The following DDX31 variants were observed in gnomAD, a reference collection of about 807,000 sequenced individuals.
DDX31 encodes the protein DEAD-box helicase 31, also known as ATP-dependent DNA helicase DDX31.
In DDX31, 70 loss-of-function variants were observed where a neutral mutation model predicts 91.3. That is an observed-to-expected ratio of 0.77 (90% CI 0.63 to 0.94). The LOEUF is 0.94. Among genes scored for constraint, DDX31 ranks in the 40% least tolerant of loss-of-function variants. DDX31 has a pLI of 0.00. For missense variants in DDX31, 902 were observed against 925.0 expected (o/e 0.98, Z 0.32); for synonymous variants, 362 against 350.6 (o/e 1.03, Z -0.36).
At chr9:132,668,212 CTCTTT>C (rs1468267706) in intron 1 of DDX31, among the ~76,000 whole-genome samples, 1 of 152,116 alleles carries the variant, frequency 6.6e-6, no homozygotes, top group East Asian at 1.9e-4. Flanking sequence ...TCCTGTAGTC[CTCTTT>C]TCTAAGAGAC....
intron 19 of DDX31, among the ~76,000 whole-genome samples, chr9:132,607,355 T>C (rs1465386018): frequency 1.3e-5 from 2 of 152,244 alleles, no homozygotes; most frequent in Admixed American, 1.3e-4. Flanking sequence ...TGAGAAAATT[T>C]ATACAAATAA....
chr9:132,612,140 G>A lies in DDX31; in HGVS notation c.1941C>T (p.Ala647=), dbSNP rs1330718447. ...TAGTCAAGGCACTAAGATTCCTGGG[G>A]GCATCTCTTAGTCCGAAGCTCTTCG... is the stretch of plus-strand genomic sequence containing the variant. ...HVAKSFGLRD[A]PRNLSALTRK... The change falls in exon 19 of 20, where the codon GCC becomes GCT. Residue 647 remains alanine (A), a synonymous_variant. Transcript: ENST00000372159. 5.0e-6 allele frequency: 8 copies of A among 1,614,190 alleles called. No individual in the cohort carries two copies. Among genetic ancestry groups the A allele is most frequent in the Admixed American group, 1.7e-5 (1 of 60,026 alleles).
intron 9 of DDX31, among the ~76,000 whole-genome samples, chr9:132,649,090 C>T (rs758653821): frequency 6.6e-6 from 1 of 152,136 alleles, no homozygotes; most frequent in Non-Finnish European, 1.5e-5. Flanking sequence ...GTAATAAAAG[C>T]TTCCAATTTT....
chr9:132,650,840 C>A (rs572332015), intron 8 of DDX31, among the ~76,000 whole-genome samples: 1 of 152,184 alleles, frequency 6.6e-6, no homozygotes, highest in Non-Finnish European at 1.5e-5. Flanking sequence ...TTGCTAGTGA[C>A]TATGATGAAC....
chr9:132,634,351 T>C (rs1259755385), intron 14 of DDX31, among the ~76,000 whole-genome samples: 7 of 152,166 alleles, frequency 4.6e-5, no homozygotes, highest in African/African-American at 1.4e-4. Context: ...CTGTGTTCTA[T>C]CTACGCATGC....
intron 14 of DDX31, among the ~76,000 whole-genome samples, chr9:132,639,859 C>G (rs982028736): frequency 6.6e-6 from 1 of 152,208 alleles, no homozygotes; most frequent in African/African-American, 2.4e-5. Flanking sequence ...AAGGTTCCTA[C>G]TGCTTTCTAT....
chr9:132,628,498 C>T (rs1441761514), intron 16 of DDX31, among the ~76,000 whole-genome samples: 2 of 152,212 alleles, frequency 1.3e-5, no homozygotes. Flanking sequence ...CCTAATACTT[C>T]GTGCCTTTGC....
chr9:132,629,094 G>A (rs958447049), intron 16 of DDX31, among the ~76,000 whole-genome samples: 6 of 152,278 alleles, frequency 3.9e-5, no homozygotes, highest in African/African-American at 1.4e-4. Context: ...CCAGCCTCCA[G>A]CTGAGGGAGC....
chr9:132,639,306 C>T (rs540974656), intron 14 of DDX31, among the ~76,000 whole-genome samples: 1 of 152,088 alleles, frequency 6.6e-6, no homozygotes, highest in African/African-American at 2.4e-5. Context: ...GCCCAGCAAC[C>T]GAGAGAAATG....
rs769244173 is a variant in DDX31, at chr9:132,625,714, A to G, written c.1663T>C (p.Cys555Arg). ...AAACAATCATCTCTTGTCAGAACAC[A>G]CAAAATATCTTCCATCTTAATCTCA... ...VSEIKMEDILCVLTRDDCFKG... is the reference protein window; with the variant it reads ...VSEIKMEDILRVLTRDDCFKG... Residue 555 changes from cysteine to arginine, a missense_variant, in exon 17 of 20, where the codon TGT (cysteine) becomes CGT (arginine). By Grantham distance (180) the Cys-to-Arg change is radical. Transcript: ENST00000372159. 4 of 1,613,970 alleles carry G rather than the reference A, an allele frequency of 2.5e-6. No homozygotes were observed. The highest frequency in any genetic ancestry group is 2.7e-5 in the African/African-American group (2 of 75,018).
At chr9:132,614,273 T>C (rs509762) in intron 18 of DDX31, among the ~76,000 whole-genome samples, 118,924 of 152,062 alleles carry the variant, frequency 0.78, 47,172 homozygotes, top group African/African-American at 0.92. Context: ...CTCTGTACCC[T>C]ACTCTTAAAT....
At position 132,669,807 on chromosome 9, in the gene DDX31, G is replaced by A; in HGVS notation, c.75+53C>T. On this transcript the variant is annotated intron_variant, in intron 1 of 19. Transcript: ENST00000372159. ...AAGGCACGGCTGCAGCTCGCGGCGC[G>A]CCCACAGCCGGGCCGCGGGTGGGGA... is the stretch of plus-strand genomic sequence containing the variant. 3 of 1,525,532 alleles carry A rather than the reference G, an allele frequency of 2.0e-6. No individual in the cohort carries two copies. In the South Asian group the frequency reaches 3.7e-5, roughly 19 times the overall value. 94.5% of individuals were successfully genotyped at this position (1,525,532 alleles called of 1,614,324 possible).
At chr9:132,633,495 G>A (rs1036994806) in intron 14 of DDX31, among the ~76,000 whole-genome samples, 6 of 151,902 alleles carry the variant, frequency 3.9e-5, no homozygotes, top group African/African-American at 1.2e-4. Context: ...ATAAAATACA[G>A]CAATATCTCA....
rs953934063 is a variant in DDX31 at position 132,661,191 on chromosome 9, G to A, written c.452+17C>T. On this transcript the variant is annotated intron_variant, in intron 4 of 19. Transcript: ENST00000372159. ...CACGTAATGCCTAAGAAATCAAGAG[G>A]AGCCTGAAGTTCTTACCTGGTCATA... is the stretch of plus-strand genomic sequence containing the variant. 3.1e-6 allele frequency: 5 copies of A among 1,600,390 alleles called. No individual in the cohort carries two copies. The African/African-American group carries it at 4.0e-5, about 13-fold the overall frequency.
At chr9:132,642,652 A>G (rs1833573241) in intron 13 of DDX31, among the ~76,000 whole-genome samples, 1 of 152,074 alleles carries the variant, frequency 6.6e-6, no homozygotes, top group South Asian at 2.1e-4. Context: ...AAAAAAAAAA[A>G]AGGCATCCTA....
chr9:132,594,591 G>A lies in DDX31; in HGVS notation c.*275C>T, dbSNP rs1830341781. On this transcript the variant is annotated 3_prime_UTR_variant, in exon 20 of 20. Transcript: ENST00000372159. ...GCTCAACCCCGGCACGTCAGCACCT[G>A]GGTGAAGGGAGTGCCGGGCACTGAT... is the stretch of plus-strand genomic sequence containing the variant. The A allele has an allele frequency of 2.8e-6, 1 of 355,140 alleles. No individual in the cohort carries two copies. Among genetic ancestry groups the A allele is most frequent in the Non-Finnish European group, 5.0e-6 (1 of 200,054 alleles). 22.0% of individuals were successfully genotyped at this position (355,140 alleles called of 1,614,324 possible). A position where few individuals can be genotyped will look rare whatever the true frequency, so the allele number is the denominator to read the frequency against.
chr9:132,604,172 G>A (rs1165175695), intron 19 of DDX31, among the ~76,000 whole-genome samples: 1 of 152,186 alleles, frequency 6.6e-6, no homozygotes, highest in African/African-American at 2.4e-5. Context: ...AACCCATTTG[G>A]AGTTGCCTGT....
At chr9:132,638,628 A>C (rs1197492520) in intron 14 of DDX31, among the ~76,000 whole-genome samples, 1 of 152,190 alleles carries the variant, frequency 6.6e-6, no homozygotes, top group African/African-American at 2.4e-5. Flanking sequence ...ACTCCATCTT[A>C]CCATAGCCAC....
At chr9:132,612,630 A>G (rs11243843) in intron 18 of DDX31, among the ~76,000 whole-genome samples, 44,246 of 152,102 alleles carry the variant, frequency 0.29, 6,868 homozygotes, top group Middle Eastern at 0.41. Context: ...AAACTAAGAA[A>G]TGATCAACAC....
Sources: allele counts gnomAD v4.1 joint callset (sites outside exome capture counted in the v4.1 genomes callset), GRCh38; gene constraint gnomAD v4.1.1; transcripts MANE v1.5; gene names NCBI Gene and HGNC (gene_info 2026-07-23, HGNC 2026-07-21).